NUP37: variants seen among roughly 807,000 people sequenced by gnomAD.
NUP37 encodes the protein nucleoporin Nup37.
Under a neutral mutation model 45.4 loss-of-function variants are expected in NUP37, and 33 were observed. The ratio of observed to expected loss-of-function variants is 0.73; its 90% CI spans 0.55 to 0.97. NUP37 has a LOEUF of 0.97. NUP37 is among the 50% of genes least tolerant of loss of function. NUP37 has a pLI of 0.00. For synonymous variants in NUP37, 127 were observed against 130.7 expected (o/e 0.97, Z 0.19); for missense variants, 365 against 389.7 (o/e 0.94, Z 0.53).
At chr12:102,115,907 TA>T in intron 2 of NUP37, 1 of 466,080 alleles carries the variant, frequency 2.1e-6, no homozygotes, top group Non-Finnish European at 2.8e-6. Flanking sequence ...TTTAGCTAGA[TA>T]AAAAATAACT....
chr12:102,101,555 C>T (rs545598323), intron 3 of NUP37, among the ~76,000 whole-genome samples: 1 of 152,030 alleles, frequency 6.6e-6, no homozygotes, highest in African/African-American at 2.4e-5. Context: ...TTTTTCTATT[C>T]CTCCAAATAA....
intron 3 of NUP37, among the ~76,000 whole-genome samples, chr12:102,107,032 CA>C (rs969866646): frequency 2.0e-5 from 3 of 152,156 alleles, no homozygotes; most frequent in Non-Finnish European, 2.9e-5. Flanking sequence ...CATGTAGTTG[CA>C]TTTCTTCCCT....
chr12:102,113,664 T>C (rs554415729), intron 2 of NUP37, among the ~76,000 whole-genome samples: 1 of 152,360 alleles, frequency 6.6e-6, no homozygotes, highest in South Asian at 2.1e-4. Context: ...TCTTCTGTGC[T>C]AACTACAGTT....
chr12:102,114,264 A>T (rs1247619716), intron 2 of NUP37, among the ~76,000 whole-genome samples: 1 of 152,222 alleles, frequency 6.6e-6, no homozygotes, highest in Non-Finnish European at 1.5e-5. Flanking sequence ...TCATCTTGCT[A>T]CTGTAACAAT....
chr12:102,090,622 A>G (rs575157608), intron 5 of NUP37, among the ~76,000 whole-genome samples: 6 of 152,364 alleles, frequency 3.9e-5, no homozygotes, highest in African/African-American at 1.2e-4. Context: ...ACTCACTCAT[A>G]TTAGGTATGT....
In NUP37 at chr12:102,113,402, T is replaced by G. The variant is rs114101910; in HGVS notation, c.157-1170A>C. On this transcript the variant is annotated intron_variant, in intron 2 of 9. Coordinates refer to ENST00000552283, the MANE Select transcript of NUP37 (RefSeq NM_024057.4). ...TAGGGGGCTTCAAAAGAATTGCTAA[T>G]GTTCCTTTTCTTAAACTAAGCAGCA... Among the ~76,000 whole-genome samples, 571 of 152,316 alleles carry G rather than the reference T, an allele frequency of 3.7e-3. 7 individuals carry two copies. The highest frequency in any genetic ancestry group is 0.013 in the African/African-American group (539 of 41,570).
chr12:102,116,927 G>A (rs942918549), intron 2 of NUP37, among the ~76,000 whole-genome samples: 2 of 152,140 alleles, frequency 1.3e-5, no homozygotes, highest in Admixed American at 6.5e-5. Context: ...GCTTGACCTC[G>A]GGAGGCAGAG....
chr12:102,087,742 T>C (rs1157565138), intron 5 of NUP37, among the ~76,000 whole-genome samples: 1 of 152,246 alleles, frequency 6.6e-6, no homozygotes, highest in African/African-American at 2.4e-5. Context: ...TCCATTCTTT[T>C]GATCTTATTC....
chr12:102,092,939 T>C (rs1454118900), intron 5 of NUP37, among the ~76,000 whole-genome samples: 2 of 152,154 alleles, frequency 1.3e-5, no homozygotes, highest in East Asian at 1.9e-4. Flanking sequence ...ATTCTTTTTT[T>C]AATACTTGAG....
At position 102,102,340 on chromosome 12, in the gene NUP37, T is replaced by A. The variant is rs557999022; in HGVS notation, c.282-1236A>T. On this transcript the variant is annotated intron_variant, in intron 3 of 9. Transcript: ENST00000552283. The stretch of plus-strand genomic sequence containing the variant: ...AAAACAGATCAAAGCCACCAGGGAA[T>A]GATTCTTTGTCCAAGGTCTTCTCAG... Among the ~76,000 whole-genome samples, 3 of 152,324 alleles carry A rather than the reference T, an allele frequency of 2.0e-5. No individual in the cohort carries two copies. In the East Asian group the frequency reaches 5.8e-4, roughly 29 times the overall value.
In NUP37 at chr12:102,087,770, G is replaced by A. The variant is rs1006215468; in HGVS notation, c.450-1914C>T. On this transcript the variant is annotated intron_variant, in intron 5 of 9. Transcript: ENST00000552283. ...TCTTATTCTAATATGTATTTGTTTT[G>A]TTGGCTATTATATAAATTGAGTAAA... Among the ~76,000 whole-genome samples, 149 of 152,186 alleles carry A rather than the reference G, an allele frequency of 9.8e-4. 1 individual carries two copies. The highest frequency in any genetic ancestry group is 3.6e-3 in the African/African-American group (148 of 41,540).
At chr12:102,074,688 T>C in intron 9 of NUP37, 1 of 487,294 alleles carries the variant, frequency 2.1e-6, no homozygotes, top group Non-Finnish European at 3.6e-6. Context: ...GACTCCATTT[T>C]TGCAGTCTAC....
rs371630269 is a variant in NUP37 at position 102,112,189 on chromosome 12, C to T, written c.200G>A (p.Arg67Gln). 4.3e-6 allele frequency: 7 copies of T among 1,613,466 alleles called. No individual in the cohort carries two copies. The African/African-American group carries it at 8.0e-5, about 18-fold the overall frequency. Residue 67 changes from arginine to glutamine, a missense_variant, in exon 3 of 10, where the codon CGA (arginine) becomes CAA (glutamine). By Grantham distance (43) the Arg-to-Gln change is conservative. Transcript: ENST00000552283. Reference sequence around the variant, plus strand: ...AACCCTGACTCCATGGTGAAATGTTCGAAGTGTTTTATACTGAATGCCTTC... The same window carrying T: ...AACCCTGACTCCATGGTGAAATGTTTGAAGTGTTTTATACTGAATGCCTTC... ...DVEGIQYKTLRTFHHGVRVDG... is the reference protein window; with the variant it reads ...DVEGIQYKTLQTFHHGVRVDG...
intron 5 of NUP37, among the ~76,000 whole-genome samples, chr12:102,089,161 C>A (rs986900508): frequency 2.6e-5 from 4 of 151,936 alleles, no homozygotes; most frequent in Middle Eastern, 3.2e-3. Flanking sequence ...CCCACATTTC[C>A]CCCTTTTCTT....
At chr12:102,096,235 C>A (rs1879798983) in intron 5 of NUP37, among the ~76,000 whole-genome samples, 1 of 152,006 alleles carries the variant, frequency 6.6e-6, no homozygotes, top group Admixed American at 6.6e-5. Context: ...CTGATAAAGA[C>A]CAACTTTAAT....
chr12:102,080,776 G>A (rs756988285), intron 6 of NUP37, among the ~76,000 whole-genome samples: 13 of 152,230 alleles, frequency 8.5e-5, no homozygotes, highest in South Asian at 2.1e-4. Flanking sequence ...GAAGACTGGT[G>A]AGTGGTCTAG....
At position 102,106,881 on chromosome 12, in the gene NUP37, T is replaced by G. The variant is rs532344706; in HGVS notation, c.281+5227A>C. ...TTGTATTTGTCTCCTCTGAGTTCCT[T>G]TCTCAGGAAACCGACCTTCAGGCCT... On this transcript the variant is annotated intron_variant, in intron 3 of 9. Transcript: ENST00000552283. Among the ~76,000 whole-genome samples, 7 of 152,256 alleles carry G rather than the reference T, an allele frequency of 4.6e-5. No individual in the cohort carries two copies. The South Asian group carries it at 1.4e-3, about 32-fold the overall frequency.
At chr12:102,084,058 A>T (rs1879402987) in intron 6 of NUP37, among the ~76,000 whole-genome samples, 1 of 152,214 alleles carries the variant, frequency 6.6e-6, no homozygotes, top group South Asian at 2.1e-4. Flanking sequence ...GAAAAAGGGA[A>T]TTTTTAAGAG....
intron 3 of NUP37, 41 bp from the exon 4 acceptor site, chr12:102,101,145 T>G: frequency 8.0e-7 from 1 of 1,256,466 alleles, no homozygotes; most frequent in South Asian, 1.4e-5. Flanking sequence ...TTTTAGCCTT[T>G]GTAAGTGAAA....
Sources: allele counts gnomAD v4.1 joint callset (sites outside exome capture counted in the v4.1 genomes callset), GRCh38; gene constraint gnomAD v4.1.1; transcripts MANE v1.5; gene names NCBI Gene and HGNC (gene_info 2026-07-23, HGNC 2026-07-21).